The following KIRREL3 variants were observed in gnomAD, a reference collection of about 807,000 sequenced individuals.
The protein encoded by KIRREL3 is kin of IRRE-like protein 3.
KIRREL3 carries 36 observed loss-of-function variants against 89.7 expected under a neutral mutation model. The ratio of observed to expected loss-of-function variants is 0.40; its 90% confidence interval spans 0.31 to 0.53. The LOEUF (loss-of-function observed/expected upper bound fraction) is 0.53. KIRREL3 is among the 20% of genes least tolerant of loss of function. The probability of loss-of-function intolerance (pLI) is 0.49; values close to 1 mark genes in which losing one functional copy is unlikely to be tolerated. For synonymous variants in KIRREL3, 445 were observed against 441.4 expected, an observed-to-expected ratio of 1.01 and a Z score of -0.10; for missense variants, 864 against 1,056.6, an observed-to-expected ratio of 0.82 and a Z score of 2.53.
At chr11:126,852,780 G>A (rs188205908) in intron 1 of KIRREL3, among the ~76,000 whole-genome samples, 88 of 152,300 alleles carry the variant, frequency 5.8e-4, no homozygotes, top group Middle Eastern at 3.4e-3. Flanking sequence ...AAGGTCCCCC[G>A]GCAAGGCAAT....
At chr11:126,671,235 C>CTT (rs141912968) in intron 1 of KIRREL3, among the ~76,000 whole-genome samples, 83 of 136,326 alleles carry the variant, frequency 6.1e-4, no homozygotes, top group South Asian at 3.8e-3. Flanking sequence ...AGTTTTTCTC[C>CTT]TTTTTTTTTT....
chr11:126,488,655 A>G (rs1957428922), intron 4 of KIRREL3, among the ~76,000 whole-genome samples: 1 of 152,224 alleles, frequency 6.6e-6, no homozygotes, highest in African/African-American at 2.4e-5. Flanking sequence ...CCTGTGGCCC[A>G]GGGAGCTGCA....
At position 126,576,903 on chromosome 11, in the gene KIRREL3, C is replaced by G. The variant is rs1309289906; in HGVS notation, c.56-13991G>C. Among the ~76,000 whole-genome samples the G allele has an allele frequency of 6.6e-6, 1 of 152,202 alleles. No individual in the cohort carries two copies. Among genetic ancestry groups the G allele is most frequent in the Non-Finnish European group, 1.5e-5 (1 of 68,046 alleles). On this transcript the variant is annotated intron_variant, in intron 1 of 16. Transcript: ENST00000525144. This position sits in a 1 kb window ranked among gnomAD's most constrained non-coding sequence, Gnocchi z 5.4. ...ATCTGCTGGGCACTTTACACACACACAGTTATGCCATTTAGTCCACACTGT... is the reference window on the plus strand; with the variant it reads ...ATCTGCTGGGCACTTTACACACACAGAGTTATGCCATTTAGTCCACACTGT...
chr11:126,753,175 G>C (rs1357045163), intron 1 of KIRREL3, among the ~76,000 whole-genome samples: 1 of 152,142 alleles, frequency 6.6e-6, no homozygotes, highest in Non-Finnish European at 1.5e-5. Context: ...AGTTCCCCAG[G>C]GCATGAAATC....
intron 1 of KIRREL3, among the ~76,000 whole-genome samples, chr11:126,675,318 G>A (rs545716125): frequency 2.0e-5 from 3 of 152,308 alleles, no homozygotes; most frequent in African/African-American, 7.2e-5. Context: ...CTAATGGGCT[G>A]GGTCTTTCTT....
intron 1 of KIRREL3, among the ~76,000 whole-genome samples, chr11:126,701,547 G>A (rs1424494785): frequency 6.6e-6 from 1 of 152,174 alleles, no homozygotes; most frequent in Admixed American, 6.5e-5. Flanking sequence ...TCCTTGGAAA[G>A]TCACTGGGTT....
intron 1 of KIRREL3, among the ~76,000 whole-genome samples, chr11:126,779,472 C>T (rs1338376583): frequency 6.6e-6 from 1 of 152,146 alleles, no homozygotes; most frequent in Non-Finnish European, 1.5e-5. Context: ...CTACTTGTCC[C>T]ACCCAAGCAA....
In KIRREL3 at chr11:126,883,296, G is replaced by T. The variant is rs1354360227; in HGVS notation, c.55+117159C>A. On this transcript the variant is annotated intron_variant, in intron 1 of 16. Transcript: ENST00000525144. This position sits in a 1 kb window ranked among gnomAD's most constrained non-coding sequence, Gnocchi z 4.1. ...AAAGGCAAAGCAGGTCACCAGAAGTGGTAGGAGAGAGATCTTCAAGCAGCA... is the reference window on the plus strand; with the variant it reads ...AAAGGCAAAGCAGGTCACCAGAAGTTGTAGGAGAGAGATCTTCAAGCAGCA... Among the ~76,000 whole-genome samples, 1 of 152,070 alleles carries T rather than the reference G, an allele frequency of 6.6e-6. No individual in the cohort carries two copies. Among genetic ancestry groups the T allele is most frequent in the African/African-American group, 2.4e-5 (1 of 41,416 alleles).
chr11:126,913,540 G>A (rs1946910049), intron 1 of KIRREL3, among the ~76,000 whole-genome samples: 1 of 152,192 alleles, frequency 6.6e-6, no homozygotes, highest in Admixed American at 6.5e-5. Context: ...CATGAAGGAG[G>A]CTGGCCTGGG....
Position 126,703,232 on chromosome 11 carries a change from C to T in KIRREL3, c.56-140320G>A, listed in dbSNP as rs114863699. On this transcript the variant is annotated intron_variant, in intron 1 of 16. Coordinates refer to ENST00000525144, the MANE Select transcript of KIRREL3 (RefSeq NM_032531.4). This position sits in a 1 kb window ranked among gnomAD's most constrained non-coding sequence, Gnocchi z 4.6. ...TGACCTACTTCACAGGCTGGGCTGC[C>T]ATGAGCGGCTGCTGCAGGCTGTGCA... Among the ~76,000 whole-genome samples, 409 of 152,320 alleles carry T rather than the reference C, an allele frequency of 2.7e-3. No homozygotes were observed. Among genetic ancestry groups the T allele is most frequent in the African/African-American group, 9.7e-3 (404 of 41,574 alleles).
At chr11:126,967,109 C>T (rs779397643) in intron 1 of KIRREL3, among the ~76,000 whole-genome samples, 27 of 152,264 alleles carry the variant, frequency 1.8e-4, no homozygotes, top group Non-Finnish European at 3.5e-4. Context: ...TTCTCTGACC[C>T]GGAGCTCAAT....
In KIRREL3 at chr11:126,486,109, G is replaced by A. The variant is rs886925661; in HGVS notation, c.434-12643C>T. On this transcript the variant is annotated intron_variant, in intron 4 of 16. Transcript: ENST00000525144. This position sits in a 1 kb window ranked among gnomAD's most constrained non-coding sequence, Gnocchi z 6.2. ...TCATTAATAATGAGTAGGGATGTAA[G>A]TCTCAGGCTGTATGCAGAGTGGAGG... Among the ~76,000 whole-genome samples the A allele has an allele frequency of 1.3e-5, 2 of 152,220 alleles. No homozygotes were observed. Among genetic ancestry groups the A allele is most frequent in the Non-Finnish European group, 2.9e-5 (2 of 68,044 alleles).
chr11:126,984,874 T>C (rs1434955709), intron 1 of KIRREL3, among the ~76,000 whole-genome samples: 1 of 152,160 alleles, frequency 6.6e-6, no homozygotes. Context: ...AGGAGGGAAA[T>C]GGAAGAACCC....
At chr11:126,937,458 A>C (rs1948240396) in intron 1 of KIRREL3, among the ~76,000 whole-genome samples, 1 of 152,232 alleles carries the variant, frequency 6.6e-6, no homozygotes. Context: ...AGGCCCCGTC[A>C]TTATCGCAGC....
At position 126,440,540 on chromosome 11, in the gene KIRREL3, A is replaced by T. The variant is rs1284606781; in HGVS notation, c.1262T>A (p.Ile421Asn). The T allele has an allele frequency of 6.3e-7, 1 of 1,598,278 alleles. No individual in the cohort carries two copies. Residue 421 changes from isoleucine to asparagine, a missense_variant, in exon 11 of 17, where the codon ATC becomes AAC. Ile to Asn is a moderately radical substitution (Grantham distance 149). Coordinates refer to ENST00000525144, the MANE Select transcript of KIRREL3 (RefSeq NM_032531.4). ...GTGCTGGGTCTGGGTGCTGGAGATG[A>T]TGGGGGGTCCTGTTGAGAAACAGCG... ...EVTLTVNGPP[I>N]ISSTQTQHAL...
At position 126,877,986 on chromosome 11, in the gene KIRREL3, G is replaced by A. The variant is rs1351722618; in HGVS notation, c.55+122469C>T. On this transcript the variant is annotated intron_variant, in intron 1 of 16. Coordinates refer to ENST00000525144, the MANE Select transcript of KIRREL3 (RefSeq NM_032531.4). This position sits in a 1 kb window ranked among gnomAD's most constrained non-coding sequence, Gnocchi z 4.9. ...TGGGACCTAGAATCAAAGATATGGA[G>A]GTGACTCGTCCAAGGTCTTAGAAGT... 6.6e-6 allele frequency among the ~76,000 whole-genome samples: 1 copy of A among 152,088 alleles called. No individual in the cohort carries two copies. The highest frequency in any genetic ancestry group is 2.4e-5 in the African/African-American group (1 of 41,390).
At chr11:126,680,234 CAAAAGATCTCTT>C (rs1167578095) in intron 1 of KIRREL3, among the ~76,000 whole-genome samples, 3 of 152,096 alleles carry the variant, frequency 2.0e-5, no homozygotes, top group Non-Finnish European at 4.4e-5. Flanking sequence ...ACAGAAAAAA[CAAAAGATCTCTT>C]AATGAATATG....
intron 1 of KIRREL3, among the ~76,000 whole-genome samples, chr11:126,827,208 C>T (rs1196453756): frequency 4.0e-5 from 6 of 151,078 alleles, no homozygotes; most frequent in Non-Finnish European, 8.8e-5. Flanking sequence ...GATGGAGTCT[C>T]GCTCTGTTGC....
intron 1 of KIRREL3, among the ~76,000 whole-genome samples, chr11:126,923,251 TCTTCTTCTTCTTCTTCTC>T (rs1565424133): frequency 0.021 from 1,234 of 58,884 alleles, 297 homozygotes; most frequent in Admixed American, 0.039. Context: ...TTCTTCTTCT[TCTTCTTCTTCTTCTTCTC>T]CTTCTCCTTC....
Sources: gnomAD v4.1 joint callset for allele counts (sites outside exome capture counted in the v4.1 genomes callset) on GRCh38, gnomAD v4.1.1 for gene constraint, Gnocchi (gnomAD v3.1) non-coding constraint, MANE v1.5 for transcripts, NCBI Gene and HGNC (gene_info 2026-07-23, HGNC 2026-07-21) for gene names.